Variants in DPP10 observed in about 807,000 individuals in gnomAD.
DPP10 encodes the protein dipeptidyl peptidase like 10, also known as inactive dipeptidyl peptidase 10.
A neutral mutation model predicts 120.9 loss-of-function variants in DPP10; 33 were observed. The observed-to-expected ratio is 0.27, with a 90% CI of 0.21 to 0.37. The LOEUF (loss-of-function observed/expected upper bound fraction) is 0.37. DPP10 is among the 10% of genes least tolerant of loss of function. DPP10 has a pLI of 1.00. For missense variants in DPP10, 816 were observed against 942.8 expected (o/e 0.87, Z 1.76); for synonymous variants, 337 against 326.1 (o/e 1.03, Z -0.36).
intron 1 of DPP10, among the ~76,000 whole-genome samples, chr2:115,264,793 A>G (rs979396402): frequency 1.3e-5 from 2 of 152,192 alleles, no homozygotes; most frequent in South Asian, 2.1e-4. Context: ...ATATTTATCA[A>G]TATGTCATCT....
At chr2:114,894,999 A>T (rs908371731) in intron 1 of DPP10, among the ~76,000 whole-genome samples, 4 of 152,164 alleles carry the variant, frequency 2.6e-5, no homozygotes, top group Non-Finnish European at 4.4e-5. Flanking sequence ...AGTTAGGCAA[A>T]CTACTTAAAC....
At chr2:115,044,669 T>C (rs898765781) in intron 1 of DPP10, among the ~76,000 whole-genome samples, 2 of 152,112 alleles carry the variant, frequency 1.3e-5, no homozygotes, top group African/African-American at 2.4e-5. Flanking sequence ...ATCCAAACCA[T>C]ATCAACCTGT....
rs1473306287 is a variant in DPP10, at chr2:114,649,434, C to T, written c.60+206596C>T. ...CGAGATCTCGGCTCACTGCAACCTCCGCCTCCCGGGTTCACGCCATTCTCC... is the reference window on the plus strand; with the variant it reads ...CGAGATCTCGGCTCACTGCAACCTCTGCCTCCCGGGTTCACGCCATTCTCC... On this transcript the variant is annotated intron_variant, in intron 1 of 25. Transcript: ENST00000410059. Among the ~76,000 whole-genome samples the T allele has an allele frequency of 9.2e-5, 14 of 151,782 alleles. No homozygotes were observed. The South Asian group carries it at 1.3e-3, about 14-fold the overall frequency.
chr2:115,685,217 G>A (rs187934976), intron 5 of DPP10, among the ~76,000 whole-genome samples: 2 of 152,018 alleles, frequency 1.3e-5, no homozygotes, highest in Admixed American at 1.3e-4. Context: ...CTGGTATGTA[G>A]TGAAAGCTAA....
chr2:114,781,079 C>T (rs986362800), intron 1 of DPP10, among the ~76,000 whole-genome samples: 3 of 151,900 alleles, frequency 2.0e-5, no homozygotes, highest in East Asian at 1.9e-4. Context: ...TCACAAAGTC[C>T]GATGTGCTTG....
intron 11 of DPP10, among the ~76,000 whole-genome samples, chr2:115,755,216 A>G (rs193271838): frequency 8.7e-4 from 132 of 152,240 alleles, no homozygotes; most frequent in Non-Finnish European, 8.5e-4. Flanking sequence ...TTAGAAATAA[A>G]TCTAACAACT....
At chr2:115,594,408 A>G (rs1365354626) in intron 5 of DPP10, among the ~76,000 whole-genome samples, 4 of 148,080 alleles carry the variant, frequency 2.7e-5, no homozygotes, top group Admixed American at 6.8e-5. Flanking sequence ...AGCTCAAAAG[A>G]AAAAAGTTTT....
intron 1 of DPP10, among the ~76,000 whole-genome samples, chr2:115,221,232 T>G (rs182568335): frequency 6.6e-6 from 1 of 152,268 alleles, no homozygotes; most frequent in Non-Finnish European, 1.5e-5. Flanking sequence ...AGGCTCATAT[T>G]CATGCATAGA....
chr2:115,301,244 A>G (rs868556146), intron 1 of DPP10, among the ~76,000 whole-genome samples: 131 of 152,038 alleles, frequency 8.6e-4, no homozygotes, highest in Middle Eastern at 6.8e-3. Context: ...CAGTTTCTGC[A>G]TGTCAGCATA....
Position 115,777,292 on chromosome 2 carries a change from C to G in DPP10, c.1306C>G (p.Gln436Glu). ...GATCTTGGCATACGATGAAACTACT[C>G]AAAAAATGTGAGTGTTTTCAGTTCT... The part of the protein sequence containing the change: ...IKILAYDETT[Q>E]KIYFLSTESS... Residue 436 changes from glutamine (Q) to glutamate (E), a missense_variant, in exon 14 of 26, where the codon CAA becomes GAA. Transcript: ENST00000410059. The G allele has an allele frequency of 6.2e-7, 1 of 1,612,106 alleles. No individual in the cohort carries two copies. Among genetic ancestry groups the G allele is most frequent in the Non-Finnish European group, 8.5e-7 (1 of 1,178,750 alleles).
intron 1 of DPP10, among the ~76,000 whole-genome samples, chr2:114,484,164 T>A (rs1389304591): frequency 2.0e-5 from 3 of 152,160 alleles, no homozygotes. Context: ...GCCTGTTCAA[T>A]ACCTAAGCCA....
chr2:114,503,728 T>A (rs922850713), intron 1 of DPP10, among the ~76,000 whole-genome samples: 3 of 152,192 alleles, frequency 2.0e-5, no homozygotes, highest in Admixed American at 2.0e-4. Context: ...GTTGGGACAA[T>A]CTCAAAATGC....
intron 3 of DPP10, among the ~76,000 whole-genome samples, chr2:115,400,407 T>C (rs1420584460): frequency 1.3e-5 from 2 of 152,084 alleles, no homozygotes; most frequent in African/African-American, 4.8e-5. Flanking sequence ...AGCATGAAGA[T>C]GTTGTCACAT....
chr2:114,696,700 T>C (rs1204031117), intron 1 of DPP10, among the ~76,000 whole-genome samples: 1 of 151,718 alleles, frequency 6.6e-6, no homozygotes, highest in Non-Finnish European at 1.5e-5. Context: ...AAAGAAATAA[T>C]GGTGAGCTAA....
At chr2:115,810,420 C>T (rs17045034) in intron 19 of DPP10, among the ~76,000 whole-genome samples, 2,765 of 152,084 alleles carry the variant, frequency 0.018, 84 homozygotes, top group African/African-American at 0.061. Flanking sequence ...TACTTTAATC[C>T]AGTTTTGGTA....
intron 1 of DPP10, among the ~76,000 whole-genome samples, chr2:115,030,585 G>C (rs1026111802): frequency 2.6e-5 from 4 of 152,086 alleles, no homozygotes; most frequent in Non-Finnish European, 4.4e-5. Context: ...CGATCACCTA[G>C]GTATTAAGCC....
intron 1 of DPP10, among the ~76,000 whole-genome samples, chr2:114,784,986 G>T (rs1034826926): frequency 5.3e-5 from 8 of 152,068 alleles, no homozygotes; most frequent in African/African-American, 1.9e-4. Flanking sequence ...CCCCATTCTG[G>T]GTGTTGTATT....
intron 1 of DPP10, among the ~76,000 whole-genome samples, chr2:114,485,494 C>G (rs1681434528): frequency 6.9e-6 from 1 of 144,650 alleles, no homozygotes; most frequent in Non-Finnish European, 1.5e-5. Context: ...GGGGATCTAT[C>G]TGCTTCCTTA....
intron 1 of DPP10, among the ~76,000 whole-genome samples, chr2:115,227,641 A>G (rs999079392): frequency 2.0e-5 from 3 of 152,086 alleles, no homozygotes; most frequent in African/African-American, 7.2e-5. Context: ...GCTTTAGCAG[A>G]TTGTTATATA....
Sources: allele counts gnomAD v4.1 joint callset (sites outside exome capture counted in the v4.1 genomes callset), GRCh38; gene constraint gnomAD v4.1.1; transcripts MANE v1.5; gene names NCBI Gene and HGNC (gene_info 2026-07-23, HGNC 2026-07-21).